The following IL1RAPL2 variants were observed in gnomAD, a reference collection of about 807,000 sequenced individuals.
IL1RAPL2 encodes the protein interleukin 1 receptor accessory protein like 2.
Under a neutral mutation model 44.1 loss-of-function variants are expected in IL1RAPL2, and 3 were observed. The observed-to-expected ratio is 0.07, with a 90% CI of 0.03 to 0.18. The LOEUF is 0.18. IL1RAPL2 is among the 10% of genes least tolerant of loss of function. IL1RAPL2 has a pLI of 1.00. For synonymous variants in IL1RAPL2, 181 were observed against 178.8 expected, an observed-to-expected ratio of 1.01 and a Z score of -0.10; for missense variants, 391 against 496.4, an observed-to-expected ratio of 0.79 and a Z score of 2.02.
intron 2 of IL1RAPL2, among the ~76,000 whole-genome samples, chrX:104,905,471 G>A (rs1183310254): frequency 9.0e-5 from 10 of 111,564 alleles, no homozygotes; most frequent in Non-Finnish European, 1.9e-4. Flanking sequence ...ATCTTGAGTT[G>A]ATTTTTGTAT....
intron 2 of IL1RAPL2, among the ~76,000 whole-genome samples, chrX:104,882,012 T>A (rs1923083162): frequency 8.9e-6 from 1 of 112,306 alleles, no homozygotes; most frequent in Non-Finnish European, 1.9e-5. Flanking sequence ...GAAAAAATAT[T>A]CTACCATGTT....
chrX:105,077,343 C>A (rs1220027647), intron 2 of IL1RAPL2, among the ~76,000 whole-genome samples: 10 of 111,670 alleles, frequency 9.0e-5, no homozygotes, highest in African/African-American at 2.6e-4. Flanking sequence ...GTTGAAAATT[C>A]TTTTCTTTAA....
At chrX:104,873,736 G>A (rs1922825654) in intron 2 of IL1RAPL2, among the ~76,000 whole-genome samples, 1 of 111,635 alleles carries the variant, frequency 9.0e-6, no homozygotes, top group Admixed American at 9.5e-5. Flanking sequence ...AGAGGTAGAA[G>A]TATATAATCC....
At chrX:105,521,879 A>C (rs907797838) in intron 6 of IL1RAPL2, among the ~76,000 whole-genome samples, 6 of 112,317 alleles carry the variant, frequency 5.3e-5, no homozygotes, top group Admixed American at 9.4e-5. Context: ...CTGTATAACT[A>C]CTACCCACTG....
Position 105,410,564 on chromosome X carries a change from C to T in IL1RAPL2, c.698-73749C>T, listed in dbSNP as rs185559415. Reference sequence around the variant, plus strand: ...AATGAAATTTCTTCACACTATTTCCCCTCCTGGGATAGGCTTGGTACTTAT... The same window carrying T: ...AATGAAATTTCTTCACACTATTTCCTCTCCTGGGATAGGCTTGGTACTTAT... On this transcript the variant is annotated intron_variant, in intron 5 of 10. Coordinates refer to ENST00000372582, the MANE Select transcript of IL1RAPL2 (RefSeq NM_017416.2). 8.1e-5 allele frequency among the ~76,000 whole-genome samples: 9 copies of T among 110,489 alleles called. No individual in the cohort carries two copies. The East Asian group carries it at 2.6e-3, about 32-fold the overall frequency.
At chrX:105,028,509 G>T (rs900182611) in intron 2 of IL1RAPL2, among the ~76,000 whole-genome samples, 6 of 110,980 alleles carry the variant, frequency 5.4e-5, no homozygotes, top group African/African-American at 2.0e-4. Context: ...AAAAGTTTTG[G>T]ATTTTGGAGC....
At chrX:104,620,198 A>G (rs1391508269) in intron 1 of IL1RAPL2, among the ~76,000 whole-genome samples, 2 of 111,149 alleles carry the variant, frequency 1.8e-5, no homozygotes, top group Admixed American at 1.9e-4. Flanking sequence ...TGAGAAGTGC[A>G]TTAAAAGATG....
chrX:104,820,266 A>T (rs1189804341), intron 2 of IL1RAPL2, among the ~76,000 whole-genome samples: 1 of 111,658 alleles, frequency 9.0e-6, no homozygotes, highest in African/African-American at 3.3e-5. Flanking sequence ...TATTGGTATC[A>T]TGTATCTGCT....
chrX:104,582,335 C>T lies in IL1RAPL2; in HGVS notation c.-20+15284C>T, dbSNP rs901169606. On this transcript the variant is annotated intron_variant, in intron 1 of 10. Transcript: ENST00000372582. ...GCAAACAGGATGTGCACACCTCAGGCCTACCTGAAATGGAGAGCAAACAGT... is the reference window on the plus strand; with the variant it reads ...GCAAACAGGATGTGCACACCTCAGGTCTACCTGAAATGGAGAGCAAACAGT... Among the ~76,000 whole-genome samples the T allele has an allele frequency of 5.4e-5, 6 of 111,873 alleles. No homozygotes were observed. The Admixed American group carries it at 5.7e-4, about 11-fold the overall frequency.
At chrX:104,673,385 T>C (rs928561788) in intron 2 of IL1RAPL2, among the ~76,000 whole-genome samples, 2 of 111,211 alleles carry the variant, frequency 1.8e-5, no homozygotes, top group African/African-American at 6.6e-5. Context: ...TTTTCTCAGT[T>C]TTGTCAAAGA....
At chrX:104,720,361 A>T (rs1286702368) in intron 2 of IL1RAPL2, among the ~76,000 whole-genome samples, 9 of 111,899 alleles carry the variant, frequency 8.0e-5, no homozygotes, top group Non-Finnish European at 1.5e-4. Context: ...TAAATACTGA[A>T]GGAATATCAT....
chrX:105,098,109 TAGA>T (rs767812204), intron 2 of IL1RAPL2, among the ~76,000 whole-genome samples: 2 of 112,234 alleles, frequency 1.8e-5, no homozygotes, highest in Non-Finnish European at 3.8e-5. Flanking sequence ...TAGCATATAG[TAGA>T]AGAAGTGTCT....
intron 5 of IL1RAPL2, among the ~76,000 whole-genome samples, chrX:105,382,572 G>A (rs1355379500): frequency 2.9e-5 from 3 of 103,132 alleles, no homozygotes; most frequent in African/African-American, 3.9e-5. Context: ...CGATTCCTCA[G>A]GGATCTAGAA....
intron 6 of IL1RAPL2, among the ~76,000 whole-genome samples, chrX:105,626,923 C>T (rs993393725): frequency 1.8e-5 from 2 of 111,468 alleles, no homozygotes; most frequent in South Asian, 3.7e-4. Context: ...CTTGCTCCCC[C>T]CTCAGAGATT....
chrX:105,093,858 G>T (rs1008147527), intron 2 of IL1RAPL2, among the ~76,000 whole-genome samples: 3 of 111,463 alleles, frequency 2.7e-5, no homozygotes, highest in African/African-American at 9.8e-5. Context: ...CCAACCCTCA[G>T]TCTCCTCACT....
chrX:104,933,802 A>G (rs1338096393), intron 2 of IL1RAPL2, among the ~76,000 whole-genome samples: 1 of 111,240 alleles, frequency 9.0e-6, no homozygotes, highest in Non-Finnish European at 1.9e-5. Context: ...CCCGTTGCAT[A>G]CTCGAGAAGG....
At chrX:104,920,486 T>C (rs1366630183) in intron 2 of IL1RAPL2, among the ~76,000 whole-genome samples, 1 of 101,194 alleles carries the variant, frequency 9.9e-6, no homozygotes, top group East Asian at 3.2e-4. Context: ...CTGAGTGAGT[T>C]ATCGTGAGAT....
chrX:105,692,797 T>A (rs771298556), intron 6 of IL1RAPL2, among the ~76,000 whole-genome samples: 14 of 111,336 alleles, frequency 1.3e-4, no homozygotes, highest in African/African-American at 4.6e-4. Flanking sequence ...AGCAAGGAAG[T>A]GACATAATCA....
chrX:105,444,874 T>G (rs1416526545), intron 5 of IL1RAPL2, among the ~76,000 whole-genome samples: 1 of 111,474 alleles, frequency 9.0e-6, no homozygotes, highest in African/African-American at 3.3e-5. Context: ...CATGTGTCTT[T>G]GTCTGGTTTT....
Sources: gnomAD v4.1 joint callset for allele counts (sites outside exome capture counted in the v4.1 genomes callset) on GRCh38, gnomAD v4.1.1 for gene constraint, MANE v1.5 for transcripts, NCBI Gene and HGNC (gene_info 2026-07-23, HGNC 2026-07-21) for gene names.